LHX3: variants seen among roughly 807,000 people sequenced by gnomAD.
LHX3 encodes LIM/homeobox protein Lhx3.
Under a neutral mutation model 32.4 loss-of-function variants are expected in LHX3, and 21 were observed. The observed-to-expected ratio is 0.65, with a 90% CI of 0.46 to 0.93. The LOEUF (loss-of-function observed/expected upper bound fraction) is 0.93, where lower values mean the gene tolerates loss of function less well. Among genes scored for constraint, LHX3 ranks in the 40% least tolerant of loss-of-function variants. LHX3 has a pLI of 0.00. For synonymous variants in LHX3, 258 were observed against 246.8 expected, an observed-to-expected ratio of 1.05 and a Z score of -0.43; for missense variants, 626 against 560.0, an observed-to-expected ratio of 1.12 and a Z score of -1.19.
intron 1 of LHX3, chr9:136,203,117 G>A: frequency 7.1e-7 from 1 of 1,411,776 alleles, no homozygotes; most frequent in Non-Finnish European, 9.2e-7. Flanking sequence ...CAATAGCCCC[G>A]AACCGGCGTC....
In LHX3 at chr9:136,197,157, T is replaced by C; in HGVS notation, c.*168A>G. ...TGTGTCAGAGGAGGGGCCAGGTGGG[T>C]CCCTCAGCCCCCAGAGAGGGAGCTG... On this transcript the variant is annotated 3_prime_UTR_variant, in exon 6 of 6. Transcript: ENST00000371748. 1 of 712,596 alleles carries C rather than the reference T, an allele frequency of 1.4e-6. No individual in the cohort carries two copies. Among genetic ancestry groups the C allele is most frequent in the Non-Finnish European group, 2.4e-6 (1 of 424,156 alleles). The allele number at this position is 712,596 out of a possible 1,614,324, so 44.1% of individuals were successfully genotyped here.
chr9:136,203,749 C>T (rs1426290407), intron 1 of LHX3, among the ~76,000 whole-genome samples: 1 of 152,216 alleles, frequency 6.6e-6, no homozygotes, highest in Non-Finnish European at 1.5e-5. Flanking sequence ...GCCAAGACCT[C>T]GGGTCGTGAG....
At chr9:136,204,892 C>T (rs1245187525) in intron 1 of LHX3, 42 bp downstream of exon 1, 1 of 1,528,324 alleles carries the variant, frequency 6.5e-7, no homozygotes, top group Admixed American at 1.9e-5. Context: ...GCGCCTCTGC[C>T]GCCCTTGCCG....
rs772362157 is a variant in LHX3, at chr9:136,197,662, G to T, written c.857C>A (p.Pro286His). ...LGEPTQALGR[P>H]SGALGNFSLE... is the part of the protein sequence containing the mutation. ...GGAGAAGTTGCCCAGGGCTCCCGAGGGCCGGCCCAAGGCCTGGGTGGGTTC... is the reference window on the plus strand; with the variant it reads ...GGAGAAGTTGCCCAGGGCTCCCGAGTGCCGGCCCAAGGCCTGGGTGGGTTC... The change falls in exon 6 of 6, where the codon CCC becomes CAC. Residue 286 changes from proline to histidine, a missense_variant. By Grantham distance (77) the Pro-to-His change is moderately conservative. Transcript: ENST00000371748. 3.1e-6 allele frequency: 5 copies of T among 1,602,208 alleles called. No individual in the cohort carries two copies. The highest frequency in any genetic ancestry group is 4.2e-6 in the Non-Finnish European group (5 of 1,176,780).
intron 1 of LHX3, chr9:136,201,626 AC>A: frequency 1.0e-6 from 1 of 997,280 alleles, no homozygotes; most frequent in Non-Finnish European, 1.2e-6. Context: ...GACATATTGC[AC>A]CCGCCTCCCT....
chr9:136,203,196 G>C, intron 1 of LHX3: 1 of 1,081,528 alleles, frequency 9.2e-7, no homozygotes, highest in Non-Finnish European at 1.1e-6. Context: ...CTCTGGCCGA[G>C]CGGAGGGCGG....
At position 136,196,997 on chromosome 9, in the gene LHX3, C is replaced by A; in HGVS notation, c.*328G>T. ...TTTCCAGCCCTCGGGCTATGCTGGG[C>A]TGGGCTGGGCCTCAGCAAGGTGACA... On this transcript the variant is annotated 3_prime_UTR_variant, in exon 6 of 6. Coordinates refer to ENST00000371748, the MANE Select transcript of LHX3 (RefSeq NM_178138.6). 1 of 454,412 alleles carries A rather than the reference C, an allele frequency of 2.2e-6. No individual in the cohort carries two copies. Among genetic ancestry groups the A allele is most frequent in the Non-Finnish European group, 4.0e-6 (1 of 250,634 alleles). The allele number at this position is 454,412 out of a possible 1,614,324, so 28.1% of individuals were successfully genotyped here. A position where few individuals can be genotyped will look rare whatever the true frequency, so the allele number is the denominator to read the frequency against.
chr9:136,201,354 A>G, intron 1 of LHX3: 1 of 1,242,042 alleles, frequency 8.1e-7, no homozygotes, highest in Non-Finnish European at 1.0e-6. Context: ...AAGCCGATCC[A>G]CTGCCTTTGT....
rs1831531942 is a variant in LHX3, at chr9:136,197,717, G to C, written c.802C>G (p.Pro268Ala). Residue 268 changes from proline to alanine, a missense_variant, in exon 6 of 6, where the codon CCG becomes GCG. Pro to Ala is a conservative substitution (Grantham distance 27, BLOSUM62 -1). Transcript: ENST00000371748. Reference sequence around the variant, plus strand: ...AAGCTCCCGTAGAGGCCATTGGCCGGGCCCATTTCCGCCAAGGAAGGCTCA... The same window carrying C: ...AAGCTCCCGTAGAGGCCATTGGCCGCGCCCATTTCCGCCAAGGAAGGCTCA... Reference protein sequence around the residue: ...PDEPSLAEMGPANGLYGSLGE... With the variant: ...PDEPSLAEMGAANGLYGSLGE... 6.2e-7 allele frequency: 1 copy of C among 1,604,362 alleles called. No homozygotes were observed. Among genetic ancestry groups the C allele is most frequent in the Admixed American group, 1.7e-5 (1 of 59,968 alleles).
chr9:136,202,863 C>A, intron 1 of LHX3: 1 of 1,457,058 alleles, frequency 6.9e-7, no homozygotes, highest in Admixed American at 2.0e-5. Flanking sequence ...TCCTCTAGCT[C>A]CTGCCAGCCT....
chr9:136,201,109 G>A, intron 1 of LHX3: 2 of 1,405,742 alleles, frequency 1.4e-6, no homozygotes, highest in Non-Finnish European at 9.2e-7. Context: ...CACCCCAGGG[G>A]GATCTGCTCT....
rs991904119 is a variant in LHX3, at chr9:136,196,505, G to C, written c.*820C>G. 1.4e-4 allele frequency: 22 copies of C among 152,682 alleles called. No homozygotes were observed. Among genetic ancestry groups the C allele is most frequent in the African/African-American group, 5.1e-4 (21 of 41,468 alleles). 9.5% of individuals were successfully genotyped at this position (152,682 alleles called of 1,614,324 possible). The stretch of plus-strand genomic sequence containing the variant: ...AGGAGCCCCACCCTTCTCCAGCGGG[G>C]AGACTTCCCAATCTGGGGCTGGCAG... On this transcript the variant is annotated 3_prime_UTR_variant, in exon 6 of 6. Transcript: ENST00000371748.
At chr9:136,204,153 G>A (rs573911955) in intron 1 of LHX3, among the ~76,000 whole-genome samples, 1 of 152,244 alleles carries the variant, frequency 6.6e-6, no homozygotes, top group East Asian at 1.9e-4. Flanking sequence ...TATGGCTTCT[G>A]GACTGTGAGC....
Position 136,199,797 on chromosome 9 carries a change from T to C in LHX3, c.335A>G (p.His112Arg). Residue 112 changes from histidine (H) to arginine (R), a missense_variant, in exon 3 of 6, where the codon CAC becomes CGC. His to Arg is a conservative substitution (Grantham distance 29, BLOSUM62 0). Transcript: ENST00000371748. ...CACGACGCAGGCAAAGCAGTGCAGG[T>C]GGTACACGAAGTCCTGGGCGCGGCG... is the stretch of plus-strand genomic sequence containing the variant. ...VVRRAQDFVY[H>R]LHCFACVVCK... The C allele has an allele frequency of 6.2e-7, 1 of 1,612,654 alleles. No individual in the cohort carries two copies. The highest frequency in any genetic ancestry group is 8.5e-7 in the Non-Finnish European group (1 of 1,179,804).
At chr9:136,200,051 A>G (rs1258754345) in intron 2 of LHX3, 171 bp from the exon 3 acceptor site, 1 of 721,040 alleles carries the variant, frequency 1.4e-6, no homozygotes, top group South Asian at 1.5e-5. Context: ...GCCCACTCCC[A>G]CTGAGAAGGG....
chr9:136,205,076 C>A lies in LHX3; in HGVS notation c.-64G>T, dbSNP rs1739287781. The A allele has an allele frequency of 5.7e-6, 8 of 1,396,616 alleles. No homozygotes were observed. Among genetic ancestry groups the A allele is most frequent in the Non-Finnish European group, 7.8e-6 (8 of 1,029,882 alleles). The allele number at this position is 1,396,616 out of a possible 1,614,324, so 86.5% of individuals were successfully genotyped here. A position where few individuals can be genotyped will look rare whatever the true frequency, so the allele number is the denominator to read the frequency against. ...CTAGGTCAGCGTCCCCTGGAGGGTTCGGGGCTCCCAAGTCCCGCCGCGTCG... is the reference window on the plus strand; with the variant it reads ...CTAGGTCAGCGTCCCCTGGAGGGTTAGGGGCTCCCAAGTCCCGCCGCGTCG... On this transcript the variant is annotated 5_prime_UTR_variant, in exon 1 of 6. Coordinates refer to ENST00000371748, the MANE Select transcript of LHX3 (RefSeq NM_178138.6).
chr9:136,203,293 G>A (rs1172104983), intron 1 of LHX3: 1 of 328,190 alleles, frequency 3.0e-6, no homozygotes, highest in African/African-American at 2.3e-5. Context: ...GAGCGCCTTT[G>A]CGCCGGGACC....
At chr9:136,201,705 G>T (rs1049164396) in intron 1 of LHX3, 4 of 986,624 alleles carry the variant, frequency 4.1e-6, no homozygotes, top group Non-Finnish European at 3.6e-6. Context: ...GGGCTCCCTC[G>T]ACCTCCGGCG....
chr9:136,204,162 G>A (rs1055609943), intron 1 of LHX3, among the ~76,000 whole-genome samples: 6 of 152,240 alleles, frequency 3.9e-5, no homozygotes, highest in African/African-American at 1.4e-4. Flanking sequence ...TGGACTGTGA[G>A]CTTTAAGGGC....
Sources: gnomAD v4.1 joint callset for allele counts (sites outside exome capture counted in the v4.1 genomes callset) on GRCh38, gnomAD v4.1.1 for gene constraint, MANE v1.5 for transcripts, NCBI Gene and HGNC (gene_info 2026-07-23, HGNC 2026-07-21) for gene names.